MYOM1: variants seen among roughly 807,000 people sequenced by gnomAD.
MYOM1 encodes myomesin 1.
In MYOM1, 164 loss-of-function variants were observed where a neutral mutation model predicts 205.3. The observed-to-expected ratio is 0.80, with a 90% CI of 0.70 to 0.91. The LOEUF (loss-of-function observed/expected upper bound fraction) is 0.91. Ranked by LOEUF, MYOM1 falls within the 40% of genes least tolerant of loss-of-function variation. The pLI is 0.00. For missense variants in MYOM1, 2,011 were observed against 2,127.3 expected, an observed-to-expected ratio of 0.95 and a Z score of 1.08; for synonymous variants, 772 against 789.4, an observed-to-expected ratio of 0.98 and a Z score of 0.37.
chr18:3,244,634 T>G, the MYOM1 span, among the ~76,000 whole-genome samples: 27 of 151,056 alleles, frequency 1.8e-4, no homozygotes, highest in African/African-American at 6.6e-4. Flanking sequence ...CTCATGCCTG[T>G]AATCCAAGCA....
At chr18:3,145,603 G>C (rs1220027611) in intron 13 of MYOM1, among the ~76,000 whole-genome samples, 2 of 151,946 alleles carry the variant, frequency 1.3e-5, no homozygotes, top group East Asian at 3.9e-4. Flanking sequence ...AAACACAACA[G>C]ATCAAAATGT....
At chr18:3,162,640 AC>A (rs1366999039) in intron 10 of MYOM1, among the ~76,000 whole-genome samples, 1 of 152,142 alleles carries the variant, frequency 6.6e-6, no homozygotes, top group African/African-American at 2.4e-5. Flanking sequence ...ACAGAACACT[AC>A]CCTGGTAGCC....
intron 17 of MYOM1, among the ~76,000 whole-genome samples, chr18:3,130,181 T>G (rs2079854822): frequency 6.6e-6 from 1 of 152,068 alleles, no homozygotes; most frequent in Non-Finnish European, 1.5e-5. Flanking sequence ...TAGCTGGGAT[T>G]ATAGGCATGC....
chr18:3,164,648 C>A (rs1296572673), intron 9 of MYOM1, among the ~76,000 whole-genome samples: 1 of 152,166 alleles, frequency 6.6e-6, no homozygotes, highest in African/African-American at 2.4e-5. Flanking sequence ...GACACATAAT[C>A]CGCAGGGGCC....
At chr18:3,089,476 C>T in intron 28 of MYOM1, 61 bp downstream of exon 28, 1 of 1,260,240 alleles carries the variant, frequency 7.9e-7, no homozygotes, top group South Asian at 1.4e-5. Context: ...ATGGAAATAA[C>T]CTTGGAATCT....
chr18:3,229,238 C>T, the MYOM1 span, among the ~76,000 whole-genome samples: 23 of 152,194 alleles, frequency 1.5e-4, no homozygotes, highest in Non-Finnish European at 2.5e-4. Flanking sequence ...TCCTTCCTGG[C>T]TATACATTAG....
chr18:3,176,293 G>A lies in MYOM1; in HGVS notation c.930-159C>T, dbSNP rs547753304. Among the ~76,000 whole-genome samples the A allele has an allele frequency of 2.6e-5, 4 of 152,286 alleles. No individual in the cohort carries two copies. The South Asian group carries it at 8.3e-4, about 32-fold the overall frequency. On this transcript the variant is annotated intron_variant, in intron 5 of 37. Transcript: ENST00000356443. ...AAATGTAAATCATATTGGCTTACGT[G>A]AAGTGCACCAGCAATACATCACACT...
intron 14 of MYOM1, among the ~76,000 whole-genome samples, chr18:3,136,130 G>T (rs12965833): frequency 6.6e-6 from 1 of 151,658 alleles, no homozygotes; most frequent in African/African-American, 2.4e-5. Flanking sequence ...CTTCTGTCTT[G>T]CCTGCCACCG....
At position 3,168,898 on chromosome 18, in the gene MYOM1, C is replaced by T. The variant is rs757181169; in HGVS notation, c.1258G>A (p.Glu420Lys). The T allele has an allele frequency of 4.3e-6, 7 of 1,613,724 alleles. No homozygotes were observed. Among genetic ancestry groups the T allele is most frequent in the Non-Finnish European group, 3.4e-6 (4 of 1,179,846 alleles). Residue 420 changes from glutamate (E) to lysine (K), a missense_variant, in exon 9 of 38, where the codon GAG (glutamate) becomes AAG (lysine). Physicochemically the swap from Glu to Lys is moderately conservative, Grantham distance 56. Transcript: ENST00000356443. ...KFDVSFGREGETMSLGCRVVI... is the reference protein window; with the variant it reads ...KFDVSFGREGKTMSLGCRVVI... The stretch of plus-strand genomic sequence containing the variant: ...ACACGACAGCCTAGACTCATTGTCT[C>T]TCCCTCTCTCCCAAAAGACACATCA...
At chr18:3,070,501 A>G (rs2078947161) in intron 37 of MYOM1, among the ~76,000 whole-genome samples, 1 of 152,190 alleles carries the variant, frequency 6.6e-6, no homozygotes, top group South Asian at 2.1e-4. Flanking sequence ...AATCCAGATT[A>G]GAAATTATGT....
In MYOM1 at chr18:3,206,909, C is replaced by A. The variant is rs139835924; in HGVS notation, c.290+8025G>T. ...AATATTATGATGTCAAAATAAATAGCCTTCCCTTGGATTTTAATTTTTTTT... is the reference window on the plus strand; with the variant it reads ...AATATTATGATGTCAAAATAAATAGACTTCCCTTGGATTTTAATTTTTTTT... On this transcript the variant is annotated intron_variant, in intron 2 of 37. Coordinates refer to ENST00000356443, the MANE Select transcript of MYOM1 (RefSeq NM_003803.4). 2.1e-3 allele frequency among the ~76,000 whole-genome samples: 318 copies of A among 152,146 alleles called. 3 individuals are homozygous for A. Among genetic ancestry groups the A allele is most frequent in the African/African-American group, 7.3e-3 (302 of 41,494 alleles).
chr18:3,216,996 A>C (rs2081276249), intron 1 of MYOM1: 2 of 152,334 alleles, frequency 1.3e-5, no homozygotes, highest in Non-Finnish European at 2.9e-5. Flanking sequence ...CTATAGGAAA[A>C]GAAAACCAAG....
chr18:3,201,597 T>C (rs968773608), intron 2 of MYOM1, among the ~76,000 whole-genome samples: 1 of 151,740 alleles, frequency 6.6e-6, no homozygotes, highest in Non-Finnish European at 1.5e-5. Context: ...TATACGTATA[T>C]AAGCTTATAC....
chr18:3,127,247 T>A (rs1387592098), intron 18 of MYOM1, among the ~76,000 whole-genome samples: 2 of 146,876 alleles, frequency 1.4e-5, no homozygotes, highest in African/African-American at 5.0e-5. Context: ...AATGTGTATA[T>A]CAATTTCTGC....
chr18:3,112,220 G>T, intron 22 of MYOM1, 78 bp downstream of exon 22: 1 of 1,147,054 alleles, frequency 8.7e-7, no homozygotes. Context: ...AAAATTAGAG[G>T]AAAGCACAGA....
chr18:3,079,036 C>A, intron 34 of MYOM1, 143 bp downstream of exon 34: 3 of 465,228 alleles, frequency 6.4e-6, no homozygotes, highest in African/African-American at 2.1e-5. Context: ...TGGTCTTGAA[C>A]TCCTGACTTC....
intron 9 of MYOM1, among the ~76,000 whole-genome samples, chr18:3,165,111 A>G (rs1226425212): frequency 6.6e-6 from 1 of 152,236 alleles, no homozygotes; most frequent in African/African-American, 2.4e-5. Flanking sequence ...TTTCTGAGAA[A>G]CTATTTCAAA....
At position 3,166,391 on chromosome 18, in the gene MYOM1, C is replaced by G. The variant is rs150764251; in HGVS notation, c.1340-1952G>C. Among the ~76,000 whole-genome samples the G allele has an allele frequency of 3.7e-3, 568 of 152,018 alleles. 2 individuals are homozygous for G. The highest frequency in any genetic ancestry group is 0.013 in the African/African-American group (545 of 41,470). Reference sequence around the variant, plus strand: ...GTTCAAGCGATTATAGTGCCTCAGCCTCCTGAGTAGCTGGGATTACAGGCA... The same window carrying G: ...GTTCAAGCGATTATAGTGCCTCAGCGTCCTGAGTAGCTGGGATTACAGGCA... On this transcript the variant is annotated intron_variant, in intron 9 of 37. Transcript: ENST00000356443.
At chr18:3,224,542 G>C (rs7238320), upstream of MYOM1, among the ~76,000 whole-genome samples, 3 of 152,082 alleles carry the variant, frequency 2.0e-5, no homozygotes, top group Non-Finnish European at 4.4e-5. Context: ...GATAGGGCCC[G>C]AGCCTTAGTC....
Sources: allele counts gnomAD v4.1 joint callset (sites outside exome capture counted in the v4.1 genomes callset), GRCh38; gene constraint gnomAD v4.1.1; transcripts MANE v1.5; gene names NCBI Gene and HGNC (gene_info 2026-07-23, HGNC 2026-07-21).